Variants in PPP3CC observed in about 807,000 individuals in gnomAD.
PPP3CC encodes the protein protein phosphatase 3 catalytic subunit gamma, also known as serine/threonine-protein phosphatase 2B catalytic subunit gamma isoform.
A neutral mutation model predicts 60.3 loss-of-function variants in PPP3CC; 35 were observed. The ratio of observed to expected loss-of-function variants is 0.58; its 90% CI spans 0.44 to 0.77. The LOEUF (loss-of-function observed/expected upper bound fraction) is 0.77, where lower values mean the gene tolerates loss of function less well. Among genes scored for constraint, PPP3CC ranks in the 30% least tolerant of loss-of-function variants. The probability of loss-of-function intolerance (pLI) is 0.00; values close to 1 mark genes in which losing one functional copy is unlikely to be tolerated. For missense variants in PPP3CC, 570 were observed against 628.9 expected (o/e 0.91, Z 1.00); for synonymous variants, 206 against 224.3 (o/e 0.92, Z 0.73).
chr8:22,516,896 T>C (rs1338315571), intron 6 of PPP3CC, among the ~76,000 whole-genome samples: 1 of 152,128 alleles, frequency 6.6e-6, no homozygotes, highest in Non-Finnish European at 1.5e-5. Flanking sequence ...GCATGAGTTA[T>C]GGTGGTTTTG....
At chr8:22,468,657 A>T (rs777205409) in intron 1 of PPP3CC, among the ~76,000 whole-genome samples, 8 of 152,202 alleles carry the variant, frequency 5.3e-5, no homozygotes, top group Non-Finnish European at 1.2e-4. Context: ...GTAATAATTG[A>T]ATAGATTTTC....
chr8:22,520,671 GT>G (rs1839383041), intron 6 of PPP3CC, among the ~76,000 whole-genome samples: 2 of 151,988 alleles, frequency 1.3e-5, no homozygotes, highest in African/African-American at 4.8e-5. Context: ...CTTTTTTATG[GT>G]TTCTGTTTCT....
chr8:22,473,226 T>C lies in PPP3CC; in HGVS notation c.50-1728T>C, dbSNP rs564258135. Among the ~76,000 whole-genome samples, 183 of 152,278 alleles carry C rather than the reference T, an allele frequency of 1.2e-3. 1 individual carries two copies. Among genetic ancestry groups the C allele is most frequent in the South Asian group, 5.2e-3 (25 of 4,828 alleles). On this transcript the variant is annotated intron_variant, in intron 1 of 13. Transcript: ENST00000240139. ...GGAAACATTGGACATATATCAGAAA[T>C]TCAATTGAACGCCTCCTTTTAAATT... is the stretch of plus-strand genomic sequence containing the variant.
intron 1 of PPP3CC, among the ~76,000 whole-genome samples, chr8:22,449,751 T>A (rs1401490611): frequency 6.6e-6 from 1 of 151,834 alleles, no homozygotes; most frequent in East Asian, 1.9e-4. Flanking sequence ...GCCAGAGAAC[T>A]GAAATACATA....
intron 12 of PPP3CC, among the ~76,000 whole-genome samples, chr8:22,533,873 T>G (rs1839783475): frequency 6.6e-6 from 1 of 151,278 alleles, no homozygotes; most frequent in African/African-American, 2.4e-5. Context: ...CTTAATATTA[T>G]TATAGTTTTT....
chr8:22,540,910 C>T lies in PPP3CC; in HGVS notation c.*108C>T. 9.9e-7 allele frequency: 1 copy of T among 1,014,968 alleles called. No homozygotes were observed. Among genetic ancestry groups the T allele is most frequent in the Non-Finnish European group, 1.3e-6 (1 of 746,868 alleles). The allele number at this position is 1,014,968 out of a possible 1,614,324, so 62.9% of individuals were successfully genotyped here. A position where few individuals can be genotyped will look rare whatever the true frequency, so the allele number is the denominator to read the frequency against. On this transcript the variant is annotated 3_prime_UTR_variant, in exon 14 of 14. Transcript: ENST00000240139. ...TCAAAACAACTTCAACGTGGAGGTG[C>T]ATTTATAATTCAGTCTGCATTTATT...
intron 1 of PPP3CC, among the ~76,000 whole-genome samples, chr8:22,453,248 A>C (rs1586786512): frequency 6.6e-6 from 1 of 152,188 alleles, no homozygotes; most frequent in East Asian, 1.9e-4. Context: ...AAAATAAATC[A>C]ATCTTGGATC....
chr8:22,519,414 C>G (rs1219210349), intron 6 of PPP3CC, among the ~76,000 whole-genome samples: 2 of 152,090 alleles, frequency 1.3e-5, no homozygotes, highest in African/African-American at 4.8e-5. Flanking sequence ...TGGTTGCTTT[C>G]TGTTTTGTGG....
intron 6 of PPP3CC, among the ~76,000 whole-genome samples, chr8:22,522,123 TCTA>T (rs1283562956): frequency 2.3e-5 from 3 of 132,276 alleles, no homozygotes; most frequent in Non-Finnish European, 3.2e-5. Flanking sequence ...ATTTTTAGCA[TCTA>T]CTACACACAC....
intron 3 of PPP3CC, among the ~76,000 whole-genome samples, chr8:22,477,482 AAAAG>A (rs113298288): frequency 2.3e-4 from 33 of 145,978 alleles, no homozygotes; most frequent in South Asian, 8.7e-4. Flanking sequence ...TCAAAAAAAA[AAAAG>A]AAAGAAAGAA....
chr8:22,487,349 C>T lies in PPP3CC; in HGVS notation c.373-10652C>T, dbSNP rs550491899. On this transcript the variant is annotated intron_variant, in intron 3 of 13. Transcript: ENST00000240139. ...TACCTATTACAAAATGCTGGCTGGG[C>T]GCCCTGGCTCACACCGGTAATCCTA... is the stretch of plus-strand genomic sequence containing the variant. Among the ~76,000 whole-genome samples the T allele has an allele frequency of 6.6e-5, 10 of 152,254 alleles. No individual in the cohort carries two copies. In the East Asian group the frequency reaches 1.5e-3, roughly 24 times the overall value.
Position 22,484,514 on chromosome 8 carries a change from C to G in PPP3CC, c.372+8890C>G, listed in dbSNP as rs551328475. Among the ~76,000 whole-genome samples the G allele has an allele frequency of 8.0e-3, 1,219 of 152,120 alleles. 14 individuals carry two copies. Among genetic ancestry groups the G allele is most frequent in the Middle Eastern group, 0.01 (3 of 294 alleles). On this transcript the variant is annotated intron_variant, in intron 3 of 13. Transcript: ENST00000240139. ...ATGGAATAAGGCCAAACTTAATGTT[C>G]TTTTTTAAAACAGGCAATATTATAA...
Position 22,525,548 on chromosome 8 carries a change from C to T in PPP3CC, c.944-1844C>T, listed in dbSNP as rs546010949. 4.4e-3 allele frequency among the ~76,000 whole-genome samples: 438 copies of T among 98,432 alleles called. 1 individual carries two copies. The highest frequency in any genetic ancestry group is 7.8e-3 in the African/African-American group (222 of 28,500). 64.6% of individuals were successfully genotyped at this position (98,432 alleles called of 152,430 possible). On this transcript the variant is annotated intron_variant, in intron 8 of 13. Coordinates refer to ENST00000240139, the MANE Select transcript of PPP3CC (RefSeq NM_005605.5). ...TTTCTTTCTTTCTTTCTCTCCCTCT[C>T]TCTCTCTCTCTTTCTTTCTCTCTCT...
intron 6 of PPP3CC, among the ~76,000 whole-genome samples, chr8:22,517,565 T>C (rs1013724308): frequency 6.6e-6 from 1 of 152,238 alleles, no homozygotes; most frequent in African/African-American, 2.4e-5. Context: ...TTGGGCTTTC[T>C]ATTTCTTCAT....
intron 3 of PPP3CC, among the ~76,000 whole-genome samples, chr8:22,487,005 C>T (rs536283939): frequency 6.6e-6 from 1 of 152,254 alleles, no homozygotes; most frequent in South Asian, 2.1e-4. Flanking sequence ...GCTGGGATTA[C>T]AGGCATGAGC....
At chr8:22,447,343 C>G (rs916173252) in intron 1 of PPP3CC, among the ~76,000 whole-genome samples, 3 of 151,900 alleles carry the variant, frequency 2.0e-5, no homozygotes, top group Non-Finnish European at 4.4e-5. Flanking sequence ...CCATGCCCGG[C>G]TAATTTTTTT....
chr8:22,480,018 TTTTA>T (rs1214910380), intron 3 of PPP3CC, among the ~76,000 whole-genome samples: 3 of 152,098 alleles, frequency 2.0e-5, no homozygotes, highest in African/African-American at 7.2e-5. Context: ...TTGTGGAAAT[TTTTA>T]TTTAGCCTAT....
intron 1 of PPP3CC, among the ~76,000 whole-genome samples, chr8:22,469,514 A>G (rs76660160): frequency 0.11 from 16,328 of 152,126 alleles, 1,120 homozygotes; most frequent in Non-Finnish European, 0.16. Context: ...CATAATATAC[A>G]TGTAACATAA....
At chr8:22,475,372 G>A (rs1837855712) in intron 2 of PPP3CC, 128 bp from the exon 3 acceptor site, 1 of 1,155,924 alleles carries the variant, frequency 8.7e-7, no homozygotes. Context: ...ATTGACTACA[G>A]TTTTACAGCA....
Sources: allele counts gnomAD v4.1 joint callset (sites outside exome capture counted in the v4.1 genomes callset), GRCh38; gene constraint gnomAD v4.1.1; transcripts MANE v1.5; gene names NCBI Gene and HGNC (gene_info 2026-07-23, HGNC 2026-07-21).